The following RASGEF1C variants were observed in gnomAD, a reference collection of about 807,000 sequenced individuals.
RASGEF1C encodes the protein RasGEF domain family member 1C.
Under a neutral mutation model 58.1 loss-of-function variants are expected in RASGEF1C, and 27 were observed. The ratio of observed to expected loss-of-function variants is 0.46; its 90% CI spans 0.34 to 0.64. The LOEUF (loss-of-function observed/expected upper bound fraction) is 0.64. Among genes scored for constraint, RASGEF1C ranks in the 30% least tolerant of loss-of-function variants. The pLI, the probability that RASGEF1C is intolerant of heterozygous loss-of-function variation, is 0.01. For synonymous variants in RASGEF1C, 243 were observed against 246.3 expected, an observed-to-expected ratio of 0.99 and a Z score of 0.13; for missense variants, 502 against 605.1, an observed-to-expected ratio of 0.83 and a Z score of 1.79.
At chr5:180,147,672 A>G (rs1218234489) in intron 1 of RASGEF1C, among the ~76,000 whole-genome samples, 1 of 152,160 alleles carries the variant, frequency 6.6e-6, no homozygotes, top group African/African-American at 2.4e-5. Flanking sequence ...ACTTCATATG[A>G]TATCTCTCTT....
At chr5:180,141,494 GAGGCACCTACAGTCATCACGTTC>G (rs1368903422) in intron 1 of RASGEF1C, among the ~76,000 whole-genome samples, 1 of 152,208 alleles carries the variant, frequency 6.6e-6, no homozygotes, top group East Asian at 1.9e-4. Context: ...CCCACTTGTG[GAGGCACCTACAGTCATCACGTTC>G]ACAGAGGCAG....
rs926800901 is a variant in RASGEF1C at position 180,143,987 on chromosome 5, C to G, written c.-6-5929G>C. 1.3e-5 allele frequency among the ~76,000 whole-genome samples: 2 copies of G among 152,170 alleles called. No homozygotes were observed. The highest frequency in any genetic ancestry group is 4.8e-5 in the African/African-American group (2 of 41,436). ...GCCCCTGTGAGGACCACGCGCGTGT[C>G]TCAGGAAGACACCTGTGAGCTCTGA... On this transcript the variant is annotated intron_variant, in intron 1 of 13. Transcript: ENST00000361132. This position sits in a 1 kb window ranked among gnomAD's most constrained non-coding sequence, Gnocchi z 4.3.
intron 7 of RASGEF1C, 148 bp downstream of exon 7, chr5:180,120,911 TG>T (rs1163243187): frequency 1.7e-6 from 1 of 604,496 alleles, no homozygotes; most frequent in Non-Finnish European, 3.0e-6. Context: ...TGGTGTCACC[TG>T]GAGTCCTGGA....
intron 4 of RASGEF1C, among the ~76,000 whole-genome samples, chr5:180,133,874 C>T (rs757269252): frequency 5.9e-5 from 9 of 152,228 alleles, no homozygotes; most frequent in Non-Finnish European, 1.2e-4. Flanking sequence ...GTTCTCCTCA[C>T]AGCCCTCATT....
intron 5 of RASGEF1C, among the ~76,000 whole-genome samples, chr5:180,128,059 T>C (rs1307297500): frequency 6.6e-6 from 1 of 152,190 alleles, no homozygotes; most frequent in East Asian, 1.9e-4. Context: ...GCTGTGTGAC[T>C]TTGGCAAGTC....
intron 4 of RASGEF1C, among the ~76,000 whole-genome samples, chr5:180,129,129 C>T (rs1341599525): frequency 1.3e-5 from 2 of 152,166 alleles, no homozygotes; most frequent in Non-Finnish European, 2.9e-5. Context: ...CCAGGGCCCA[C>T]GGGGGACTGA....
chr5:180,122,734 T>G (rs1456672836), intron 6 of RASGEF1C, among the ~76,000 whole-genome samples: 1 of 133,280 alleles, frequency 7.5e-6, no homozygotes, highest in Non-Finnish European at 1.6e-5. Flanking sequence ...AGAGCGAAAC[T>G]TCATCTAAAA....
chr5:180,173,253 T>C (rs111813703), intron 1 of RASGEF1C, among the ~76,000 whole-genome samples: 168 of 152,380 alleles, frequency 1.1e-3, no homozygotes, highest in African/African-American at 3.9e-3. Flanking sequence ...CATTCCTGCC[T>C]GGTACTGTTT....
In RASGEF1C at chr5:180,201,783, T is replaced by C. The variant is rs542738578; in HGVS notation, c.-7+7245A>G. 4.6e-5 allele frequency among the ~76,000 whole-genome samples: 7 copies of C among 152,318 alleles called. No homozygotes were observed. The East Asian group carries it at 1.4e-3, about 29-fold the overall frequency. On this transcript the variant is annotated intron_variant, in intron 1 of 13. Coordinates refer to ENST00000361132, the MANE Select transcript of RASGEF1C (RefSeq NM_175062.4). ...AGGGCAGAGCCCTCATCAATGAGATTAGTGCCCTTAGAAAAGAGGATCCAG... is the reference window on the plus strand; with the variant it reads ...AGGGCAGAGCCCTCATCAATGAGATCAGTGCCCTTAGAAAAGAGGATCCAG...
At chr5:180,126,159 G>A (rs1406123322) in intron 6 of RASGEF1C, among the ~76,000 whole-genome samples, 1 of 152,222 alleles carries the variant, frequency 6.6e-6, no homozygotes, top group African/African-American at 2.4e-5. Context: ...TGTAATCCCA[G>A]CACTTTGGGA....
chr5:180,201,178 G>A (rs957783983), intron 1 of RASGEF1C, among the ~76,000 whole-genome samples: 11 of 152,188 alleles, frequency 7.2e-5, no homozygotes, highest in Non-Finnish European at 1.0e-4. Context: ...GAGCACTGGC[G>A]GCTGGGGAAC....
chr5:180,113,011 C>T (rs71613441), intron 11 of RASGEF1C, among the ~76,000 whole-genome samples: 7,123 of 74,324 alleles, frequency 0.096, 335 homozygotes, highest in South Asian at 0.15. Context: ...CCGGGCTGGA[C>T]GGAGGGACCG....
chr5:180,184,178 A>AAAATAAAT (rs71001083), intron 1 of RASGEF1C, among the ~76,000 whole-genome samples: 1 of 142,328 alleles, frequency 7.0e-6, no homozygotes, highest in African/African-American at 2.5e-5. Flanking sequence ...TAAATAAATA[A>AAAATAAAT]AAATAAATAA....
At chr5:180,207,892 C>A (rs1244805563) in intron 1 of RASGEF1C, among the ~76,000 whole-genome samples, 3 of 152,232 alleles carry the variant, frequency 2.0e-5, no homozygotes, top group Non-Finnish European at 2.9e-5. Flanking sequence ...TCTCCCTCTG[C>A]CCCAGTCACC....
At chr5:180,129,511 C>T (rs190246583) in intron 4 of RASGEF1C, among the ~76,000 whole-genome samples, 24 of 152,058 alleles carry the variant, frequency 1.6e-4, no homozygotes, top group Admixed American at 1.6e-3. Context: ...CTGGCTGAGG[C>T]CCCCCCAGAG....
intron 1 of RASGEF1C, among the ~76,000 whole-genome samples, chr5:180,144,217 A>G (rs1766629680): frequency 6.6e-6 from 1 of 152,188 alleles, no homozygotes; most frequent in Admixed American, 6.5e-5. Flanking sequence ...CTGCACCGCC[A>G]TGGTTCCCCA....
intron 3 of RASGEF1C, 114 bp from the exon 4 acceptor site, chr5:180,136,629 T>C: frequency 2.5e-6 from 3 of 1,218,432 alleles, no homozygotes; most frequent in Non-Finnish European, 3.4e-6. Flanking sequence ...TCGTGCCCTC[T>C]CTGTGCCAGG....
chr5:180,195,321 C>T (rs530939893), intron 1 of RASGEF1C, among the ~76,000 whole-genome samples: 2 of 152,254 alleles, frequency 1.3e-5, no homozygotes, highest in East Asian at 3.9e-4. Flanking sequence ...CAGTGGTCTC[C>T]AAACTGAGAA....
At chr5:180,121,200 A>T in intron 6 of RASGEF1C, 51 bp from the exon 7 acceptor site, 1 of 1,275,802 alleles carries the variant, frequency 7.8e-7, no homozygotes, top group Non-Finnish European at 1.1e-6. Context: ...TTTGTCTATC[A>T]TCTTTTAGAG....
Sources: allele counts gnomAD v4.1 joint callset (sites outside exome capture counted in the v4.1 genomes callset), GRCh38; gene constraint gnomAD v4.1.1; non-coding constraint Gnocchi (gnomAD v3.1); transcripts MANE v1.5; gene names NCBI Gene and HGNC (gene_info 2026-07-23, HGNC 2026-07-21).